The following FRMPD4 variants were observed in gnomAD, a reference collection of about 807,000 sequenced individuals.
The protein encoded by FRMPD4 is FERM and PDZ domain containing 4, also known as FERM and PDZ domain-containing protein 4.
FRMPD4 carries 22 observed loss-of-function variants against 94.1 expected under a neutral mutation model. The ratio of observed to expected loss-of-function variants is 0.23; its 90% CI spans 0.17 to 0.33. The LOEUF is 0.33. Among genes scored for constraint, FRMPD4 ranks in the 10% least tolerant of loss-of-function variants. FRMPD4 has a pLI of 1.00. For synonymous variants in FRMPD4, 631 were observed against 548.6 expected, an observed-to-expected ratio of 1.15 and a Z score of -2.10; for missense variants, 1,111 against 1,339.9, an observed-to-expected ratio of 0.83 and a Z score of 2.67.
At chrX:12,247,999 C>T (rs758837151) in intron 1 of FRMPD4, among the ~76,000 whole-genome samples, 1 of 112,266 alleles carries the variant, frequency 8.9e-6, no homozygotes, top group South Asian at 3.7e-4. Context: ...CAAGCAATCA[C>T]TCATATTCCT....
intron 1 of FRMPD4, among the ~76,000 whole-genome samples, chrX:11,846,370 G>A (rs1444662459): frequency 9.1e-6 from 1 of 110,456 alleles, no homozygotes; most frequent in Non-Finnish European, 1.9e-5. Context: ...ACTGCTCAAT[G>A]AAGTAAAAGA....
rs767025283 is a variant in FRMPD4, at chrX:12,283,757, C to T, written c.41+144745C>T. ...CACATAGAGCATTTGTGTGTTTTTA[C>T]ACTTTTGTGCTTGATATTTTCTTAA... On this transcript the variant is annotated intron_variant, in intron 1 of 16. Coordinates refer to ENST00000675598, the MANE Select transcript of FRMPD4 (RefSeq NM_001368397.1). 1.3e-4 allele frequency among the ~76,000 whole-genome samples: 15 copies of T among 111,198 alleles called. No individual in the cohort carries two copies. In the South Asian group the frequency reaches 5.4e-3, roughly 40 times the overall value.
intron 4 of FRMPD4, among the ~76,000 whole-genome samples, chrX:12,665,638 A>C (rs1430332950): frequency 8.9e-6 from 1 of 112,150 alleles, no homozygotes; most frequent in Non-Finnish European, 1.9e-5. Context: ...CATTCTTGAA[A>C]GAATTTTCAA....
intron 1 of FRMPD4, among the ~76,000 whole-genome samples, chrX:12,151,860 G>A (rs2055855810): frequency 8.9e-6 from 1 of 111,833 alleles, no homozygotes; most frequent in African/African-American, 3.2e-5. Flanking sequence ...TGATGAATAT[G>A]TTTACAGCTA....
At chrX:12,171,732 A>G (rs992745038) in intron 1 of FRMPD4, among the ~76,000 whole-genome samples, 4 of 112,384 alleles carry the variant, frequency 3.6e-5, no homozygotes, top group Admixed American at 2.8e-4. Flanking sequence ...TCTGGTCACC[A>G]TGACTTAAAG....
intron 3 of FRMPD4, among the ~76,000 whole-genome samples, chrX:11,892,526 T>C (rs995775961): frequency 9.8e-5 from 11 of 111,988 alleles, no homozygotes; most frequent in Non-Finnish European, 1.9e-4. Flanking sequence ...CCCGCACATC[T>C]GGAAGGAAGA....
At chrX:12,021,037 C>T (rs1454032050) in intron 3 of FRMPD4, among the ~76,000 whole-genome samples, 6 of 111,721 alleles carry the variant, frequency 5.4e-5, no homozygotes, top group Non-Finnish European at 1.1e-4. Context: ...TCTCATCTGC[C>T]TTCTCATAGC....
chrX:12,630,930 CA>C (rs2059389955), intron 4 of FRMPD4, among the ~76,000 whole-genome samples: 1 of 111,833 alleles, frequency 8.9e-6, no homozygotes, highest in African/African-American at 3.3e-5. Context: ...GATTGGTAGA[CA>C]GCTCTCCTTC....
At position 12,347,081 on chromosome X, in the gene FRMPD4, T is replaced by C. The variant is rs375872862; in HGVS notation, c.42-151599T>C. 1.9e-3 allele frequency among the ~76,000 whole-genome samples: 215 copies of C among 111,957 alleles called. No individual in the cohort carries two copies. The Middle Eastern group carries it at 0.023, about 12-fold the overall frequency. ...TATAATCTGATTGAAGAAAAGCTCC[T>C]TTCTTCAGACTGGGCACAGGAATGC... is the stretch of plus-strand genomic sequence containing the variant. On this transcript the variant is annotated intron_variant, in intron 1 of 16. Transcript: ENST00000675598.
intron 1 of FRMPD4, among the ~76,000 whole-genome samples, chrX:12,149,412 A>C (rs1242661476): frequency 2.7e-5 from 3 of 111,688 alleles, no homozygotes; most frequent in Non-Finnish European, 3.8e-5. Flanking sequence ...GTTTAGAAGA[A>C]GTTGATTCCA....
chrX:12,227,591 A>G (rs2056935782), intron 1 of FRMPD4, among the ~76,000 whole-genome samples: 1 of 111,558 alleles, frequency 9.0e-6, no homozygotes, highest in African/African-American at 3.3e-5. Flanking sequence ...GCTCAAGCCT[A>G]GGAATTAGAG....
intron 1 of FRMPD4, among the ~76,000 whole-genome samples, chrX:12,382,804 C>T (rs1295608561): frequency 9.0e-6 from 1 of 110,908 alleles, no homozygotes. Flanking sequence ...CACCAGTTGA[C>T]ATACTATATG....
chrX:11,898,824 G>C (rs1242188836), intron 3 of FRMPD4, among the ~76,000 whole-genome samples: 2 of 111,819 alleles, frequency 1.8e-5, no homozygotes, highest in Non-Finnish European at 3.8e-5. Flanking sequence ...CTAAGTGATT[G>C]GCTGTGTGCT....
At chrX:12,583,394 G>T in intron 2 of FRMPD4, 1 of 1,062,763 alleles carries the variant, frequency 9.4e-7, no homozygotes, top group Non-Finnish European at 1.3e-6. Flanking sequence ...GGGAAGCTCC[G>T]CCAGTACTGG....
At chrX:11,926,603 A>G (rs2054089946) in intron 3 of FRMPD4, among the ~76,000 whole-genome samples, 1 of 112,358 alleles carries the variant, frequency 8.9e-6, no homozygotes, top group African/African-American at 3.2e-5. Context: ...ATGGTTCAAC[A>G]TATGCAAATC....
At chrX:12,128,784 T>C (rs1255420911) in intron 3 of FRMPD4, among the ~76,000 whole-genome samples, 1 of 112,432 alleles carries the variant, frequency 8.9e-6, no homozygotes, top group Non-Finnish European at 1.9e-5. Flanking sequence ...AATTCCTTGC[T>C]GCTTAGAAAT....
Position 11,885,440 on chromosome X carries a change from C to G in FRMPD4, c.95+7422C>G, listed in dbSNP as rs186931067. 5.9e-3 allele frequency among the ~76,000 whole-genome samples: 648 copies of G among 110,683 alleles called. 23 individuals carry two copies. The highest frequency in any genetic ancestry group is 0.058 in the Admixed American group (600 of 10,339). ...TAGTGAGTATAGCCTTTCAGTTTTGCAAGATGAAAAGCATTCTGGAGATTG... is the reference window on the plus strand; with the variant it reads ...TAGTGAGTATAGCCTTTCAGTTTTGGAAGATGAAAAGCATTCTGGAGATTG... On this transcript the variant is annotated intron_variant, in intron 3 of 18. Transcript: ENST00000640291.
At position 12,276,098 on chromosome X, in the gene FRMPD4, T is replaced by A. The variant is rs191277259; in HGVS notation, c.41+137086T>A. Reference sequence around the variant, plus strand: ...GACTATTTGATGGTTAACTAAAATATTGGATATTTATTTGACCACAAACAA... The same window carrying A: ...GACTATTTGATGGTTAACTAAAATAATGGATATTTATTTGACCACAAACAA... On this transcript the variant is annotated intron_variant, in intron 1 of 16. Transcript: ENST00000675598. Among the ~76,000 whole-genome samples the A allele has an allele frequency of 2.8e-3, 313 of 112,575 alleles. 1 individual carries two copies. Among genetic ancestry groups the A allele is most frequent in the African/African-American group, 9.2e-3 (285 of 31,022 alleles).
chrX:12,205,903 C>G (rs752186386), intron 1 of FRMPD4, among the ~76,000 whole-genome samples: 3 of 112,342 alleles, frequency 2.7e-5, no homozygotes, highest in South Asian at 7.4e-4. Context: ...CTTGAACCTG[C>G]AAGGGGCTTT....
Sources: gnomAD v4.1 joint callset for allele counts (sites outside exome capture counted in the v4.1 genomes callset) on GRCh38, gnomAD v4.1.1 for gene constraint, MANE v1.5 for transcripts, NCBI Gene and HGNC (gene_info 2026-07-23, HGNC 2026-07-21) for gene names.